MIA2: variants seen among roughly 807,000 people sequenced by gnomAD.
MIA2 encodes the protein melanoma inhibitory activity protein 2.
MIA2 carries 127 observed loss-of-function variants against 167.8 expected under a neutral mutation model. The observed-to-expected ratio is 0.76, with a 90% confidence interval of 0.66 to 0.88. The LOEUF (loss-of-function observed/expected upper bound fraction) is 0.88. MIA2 is among the 40% of genes least tolerant of loss of function. MIA2 has a pLI of 0.00. For synonymous variants in MIA2, 552 were observed against 541.9 expected (o/e 1.02, Z -0.26); for missense variants, 1,690 against 1,624.7 (o/e 1.04, Z -0.69).
At position 39,267,290 on chromosome 14, in the gene MIA2, T is replaced by C. The variant is rs1436815682; in HGVS notation, c.1888-9644T>C. 5 of 1,458,486 alleles carry C rather than the reference T, an allele frequency of 3.4e-6. No homozygotes were observed. In the African/African-American group the frequency reaches 7.2e-5, roughly 21 times the overall value. The allele number at this position is 1,458,486 out of a possible 1,614,324, so 90.3% of individuals were successfully genotyped here. On this transcript the variant is annotated intron_variant, in intron 6 of 28. Coordinates refer to ENST00000640607, the MANE Select transcript of MIA2 (RefSeq NM_001329214.4). ...ATGGGCAGCGTAGGCCTGTGAGGCC[T>C]GCGGGTGCCCCTGTCCCCCAGCTCC...
At chr14:39,318,980 T>C (rs544948869) in intron 22 of MIA2, among the ~76,000 whole-genome samples, 3 of 152,232 alleles carry the variant, frequency 2.0e-5, no homozygotes, top group Admixed American at 6.5e-5. Context: ...AATAAAACAA[T>C]TGTAAGGCTC....
chr14:39,381,805 C>T (rs1402655057), intron 23 of MIA2, among the ~76,000 whole-genome samples: 1 of 151,388 alleles, frequency 6.6e-6, no homozygotes, highest in Non-Finnish European at 1.5e-5. Flanking sequence ...GGGAAAAAGA[C>T]TGAAAAAACA....
intron 28 of MIA2, among the ~76,000 whole-genome samples, chr14:39,349,565 A>T (rs1252524042): frequency 6.6e-6 from 1 of 152,230 alleles, no homozygotes; most frequent in Non-Finnish European, 1.5e-5. Flanking sequence ...ACCAAATACT[A>T]GGCTTTGCCT....
intron 23 of MIA2, among the ~76,000 whole-genome samples, chr14:39,319,844 C>T (rs542443438): frequency 1.4e-3 from 218 of 152,080 alleles, no homozygotes; most frequent in Non-Finnish European, 2.5e-3. Context: ...GAGTTAGGGT[C>T]TGCAGTGATC....
At chr14:39,299,107 C>G (rs918829946) in intron 13 of MIA2, among the ~76,000 whole-genome samples, 2 of 135,868 alleles carry the variant, frequency 1.5e-5, no homozygotes, top group Non-Finnish European at 3.1e-5. Flanking sequence ...AGAAATAATT[C>G]CTTTCTAGTT....
In MIA2 at chr14:39,314,857, C is replaced by A. The variant is rs114239863; in HGVS notation, c.3180+58C>A. 2.3e-3 allele frequency: 2,283 copies of A among 983,058 alleles called. 45 individuals carry two copies. The African/African-American group carries it at 0.036, about 16-fold the overall frequency. The allele number at this position is 983,058 out of a possible 1,614,324, so 60.9% of individuals were successfully genotyped here. On this transcript the variant is annotated intron_variant, in intron 20 of 28. Transcript: ENST00000640607. ...GTGTGTATATATATATAATTTAAAACAATTCTGATTTCTTTGAATTGATGC... is the reference window on the plus strand; with the variant it reads ...GTGTGTATATATATATAATTTAAAAAAATTCTGATTTCTTTGAATTGATGC...
chr14:39,256,340 T>C (rs1338953898), intron 6 of MIA2, among the ~76,000 whole-genome samples: 1 of 152,152 alleles, frequency 6.6e-6, no homozygotes, highest in Non-Finnish European at 1.5e-5. Flanking sequence ...CTGTAGTAAA[T>C]GGAAAATTTG....
At chr14:39,304,605 A>C (rs1051475312) in intron 17 of MIA2, among the ~76,000 whole-genome samples, 3 of 152,136 alleles carry the variant, frequency 2.0e-5, no homozygotes, top group African/African-American at 7.2e-5. Flanking sequence ...AAAATAAGGA[A>C]ATTTTTTAAA....
chr14:39,339,471 C>T (rs1339730293), intron 25 of MIA2, among the ~76,000 whole-genome samples: 1 of 152,066 alleles, frequency 6.6e-6, no homozygotes, highest in Non-Finnish European at 1.5e-5. Context: ...AAAATGTTAA[C>T]TCTATATTTT....
At chr14:39,363,394 G>C (rs1242521366) in intron 23 of MIA2, among the ~76,000 whole-genome samples, 1 of 152,182 alleles carries the variant, frequency 6.6e-6, no homozygotes, top group Non-Finnish European at 1.5e-5. Context: ...GCTGGGTGTG[G>C]TGGAATGTGC....
chr14:39,302,321 G>A (rs1186490261), intron 15 of MIA2, 72 bp downstream of exon 15: 3 of 1,533,672 alleles, frequency 2.0e-6, no homozygotes, highest in Non-Finnish European at 2.7e-6. Context: ...CGTTCCCTGT[G>A]TGCACCATGT....
intron 23 of MIA2, among the ~76,000 whole-genome samples, chr14:39,362,277 A>G (rs1034751662): frequency 1.3e-5 from 2 of 152,148 alleles, no homozygotes; most frequent in Non-Finnish European, 2.9e-5. Context: ...TTAATTCTTT[A>G]TAAGTTTGCT....
Position 39,321,010 on chromosome 14 carries a change from G to A in MIA2, c.3450G>A (p.Glu1150=), listed in dbSNP as rs755628585. 6.2e-7 allele frequency: 1 copy of A among 1,613,740 alleles called. No individual in the cohort carries two copies. The highest frequency in any genetic ancestry group is 8.5e-7 in the Non-Finnish European group (1 of 1,179,756). The change falls in exon 24 of 29, where the codon GAG becomes GAA. Residue 1150 remains glutamate (E), a synonymous_variant. Coordinates refer to ENST00000640607, the MANE Select transcript of MIA2 (RefSeq NM_001329214.4). ...RAFLSPPTLL[E]GPLRLSPLLP... ...TTCTCTCTCCTCCAACTTTGTTGGA[G>A]GGTCCACTCAGACTCTCACCTTTGC...
chr14:39,249,896 C>T (rs2054482262), intron 4 of MIA2, among the ~76,000 whole-genome samples: 1 of 152,120 alleles, frequency 6.6e-6, no homozygotes, highest in South Asian at 2.1e-4. Flanking sequence ...CAGAACTATA[C>T]GTAATACCTT....
At chr14:39,274,924 A>G (rs966889918) in intron 6 of MIA2, among the ~76,000 whole-genome samples, 2 of 150,242 alleles carry the variant, frequency 1.3e-5, no homozygotes, top group African/African-American at 4.9e-5. Context: ...AAAATATAAA[A>G]ACTAGCCGGG....
At chr14:39,354,395 C>A (rs569535029), downstream of MIA2, among the ~76,000 whole-genome samples, 1 of 152,262 alleles carries the variant, frequency 6.6e-6, no homozygotes, top group South Asian at 2.1e-4. Context: ...ATCCTTCACC[C>A]ACTTGTTGAT....
intron 6 of MIA2, chr14:39,266,041 C>T (rs2055574894): frequency 1.0e-6 from 1 of 985,386 alleles, no homozygotes; most frequent in Middle Eastern, 5.2e-4. Context: ...TTGCTGTGAA[C>T]TTGGGCCAGT....
chr14:39,347,917 A>G (rs947166662), intron 27 of MIA2, 146 bp downstream of exon 27: 25 of 696,276 alleles, frequency 3.6e-5, no homozygotes, highest in South Asian at 1.6e-4. Context: ...GGTTCAAGCA[A>G]TTCTCCTGCC....
At chr14:39,367,344 C>G (rs2074843943) in intron 23 of MIA2, among the ~76,000 whole-genome samples, 1 of 152,158 alleles carries the variant, frequency 6.6e-6, no homozygotes, top group Non-Finnish European at 1.5e-5. Context: ...CTGTTGAGCC[C>G]TAGAGCAGAA....
Sources: gnomAD v4.1 joint callset for allele counts (sites outside exome capture counted in the v4.1 genomes callset) on GRCh38, gnomAD v4.1.1 for gene constraint, MANE v1.5 for transcripts, NCBI Gene and HGNC (gene_info 2026-07-23, HGNC 2026-07-21) for gene names.